Variants in ITLN1 observed in about 807,000 individuals in gnomAD.
ITLN1 encodes the protein intelectin-1.
Under a neutral mutation model 36.2 loss-of-function variants are expected in ITLN1, and 29 were observed. The observed-to-expected ratio is 0.80, with a 90% confidence interval of 0.60 to 1.09. ITLN1 has a LOEUF of 1.09. Ranked by LOEUF, ITLN1 falls within the 50% of genes least tolerant of loss-of-function variation. The pLI, the probability that ITLN1 is intolerant of heterozygous loss-of-function variation, is 0.00. For missense variants in ITLN1, 358 were observed against 405.2 expected (o/e 0.88, Z 1.00); for synonymous variants, 143 against 146.5 (o/e 0.98, Z 0.17).
rs774952469 is a variant in ITLN1, at chr1:160,880,635, A to T, written c.638T>A (p.Phe213Tyr). ...AGATGCTGTTTTCTGGGCGTCGCCA[A>T]AATCATAGACCACAGGGATCACCGG... ...NGPVIPVVYD[F>Y]GDAQKTASYY... The change falls in exon 6 of 8, where the codon TTT becomes TAT. Residue 213 changes from phenylalanine to tyrosine, a missense_variant. Coordinates refer to ENST00000326245, the MANE Select transcript of ITLN1 (RefSeq NM_017625.3). 6.2e-7 allele frequency: 1 copy of T among 1,614,180 alleles called. No individual in the cohort carries two copies. Among genetic ancestry groups the T allele is most frequent in the Non-Finnish European group, 8.5e-7 (1 of 1,180,022 alleles).
intron 7 of ITLN1, among the ~76,000 whole-genome samples, chr1:160,877,782 G>A (rs542194066): frequency 3.3e-5 from 5 of 152,310 alleles, no homozygotes; most frequent in African/African-American, 7.2e-5. Context: ...ATTGGATCAT[G>A]GGGGTGGTTT....
Position 160,882,112 on chromosome 1 carries a change from T to C in ITLN1, c.250A>G (p.Ser84Gly), listed in dbSNP as rs748127542. The C allele has an allele frequency of 1.2e-6, 2 of 1,613,958 alleles. No individual in the cohort carries two copies. Among genetic ancestry groups the C allele is most frequent in the South Asian group, 2.2e-5 (2 of 91,080 alleles). The change falls in exon 4 of 8, where the codon AGC becomes GGC. Residue 84 changes from serine (S) to glycine (G), a missense_variant. Transcript: ENST00000326245. ...SGGGGWTLVA[S>G]VHENDMRGKC... ...CCACGCATGTCATTCTCGTGCACGC[T>C]GGCCACCAGGGTCCAGCCGCCACCC...
In ITLN1 at chr1:160,881,014, G is replaced by A. The variant is rs545116084; in HGVS notation, c.564+140C>T. 2.5e-3 allele frequency: 2,555 copies of A among 1,016,588 alleles called. 8 individuals are homozygous for A. Among genetic ancestry groups the A allele is most frequent in the Non-Finnish European group, 3.3e-3 (2,339 of 703,476 alleles). 63.0% of individuals were successfully genotyped at this position (1,016,588 alleles called of 1,614,324 possible). A position where few individuals can be genotyped will look rare whatever the true frequency, so the allele number is the denominator to read the frequency against. On this transcript the variant is annotated intron_variant, in intron 5 of 7. Transcript: ENST00000326245. The stretch of plus-strand genomic sequence containing the variant: ...CTTGCCTGGCTTAGAATTCCTAAGA[G>A]AAGCAACAGAAGCCATCAGCAAATC...
intron 4 of ITLN1, 132 bp downstream of exon 4, chr1:160,881,825 A>AT: frequency 6.5e-5 from 69 of 1,065,932 alleles, no homozygotes; most frequent in Non-Finnish European, 8.3e-5. Flanking sequence ...AAAAAAAAAA[A>AT]GATATAAGTA....
intron 6 of ITLN1, among the ~76,000 whole-genome samples, chr1:160,879,991 T>A (rs1240632389): frequency 6.6e-6 from 1 of 152,046 alleles, no homozygotes; most frequent in Non-Finnish European, 1.5e-5. Flanking sequence ...GAGAGTGGGT[T>A]GTTAGGAGTA....
intron 6 of ITLN1, 130 bp downstream of exon 6, chr1:160,880,458 A>C: frequency 1.1e-6 from 1 of 885,160 alleles, no homozygotes; most frequent in Non-Finnish European, 1.7e-6. Flanking sequence ...CAGCCATGCA[A>C]ATCAAGTGGG....
chr1:160,880,996 G>C (rs1670667151), intron 5 of ITLN1, among the ~76,000 whole-genome samples, 158 bp downstream of exon 5: 1 of 152,096 alleles, frequency 6.6e-6, no homozygotes, highest in Non-Finnish European at 1.5e-5. Flanking sequence ...TCTCTTGCCT[G>C]GCTTAGAATT....
rs200007610 is a variant in ITLN1, at chr1:160,882,140, A to G, written c.222T>C (p.Ser74=). 257 of 1,612,950 alleles carry G rather than the reference A, an allele frequency of 1.6e-4. No individual in the cohort carries two copies. In the Admixed American group the frequency reaches 4.2e-3, roughly 26 times the overall value. ...CCACCAGGGTCCAGCCGCCACCCCC[A>G]GAGGTCATGTCACAGAAGGTCTGGT... The part of the protein sequence containing the change: ...VIYQTFCDMT[S]GGGGWTLVAS... Residue 74 remains serine, a synonymous_variant, in exon 4 of 8, where the codon TCT becomes TCC. Transcript: ENST00000326245.
chr1:160,882,283 G>A, intron 3 of ITLN1, 79 bp from the exon 4 acceptor site: 1 of 1,507,978 alleles, frequency 6.6e-7, no homozygotes, highest in Non-Finnish European at 8.9e-7. Flanking sequence ...AAAGGCCCTA[G>A]GAACCAGAGA....
At chr1:160,878,646 AAATACT>A (rs1379075494) in intron 7 of ITLN1, among the ~76,000 whole-genome samples, 1 of 152,174 alleles carries the variant, frequency 6.6e-6, no homozygotes, top group African/African-American at 2.4e-5. Flanking sequence ...TTGCCTCGCA[AAATACT>A]GGGATTACAG....
At chr1:160,883,371 C>T in intron 3 of ITLN1, 57 bp downstream of exon 3, 1 of 1,195,864 alleles carries the variant, frequency 8.4e-7, no homozygotes, top group Non-Finnish European at 1.2e-6. Flanking sequence ...AAAAGACTCC[C>T]AGAAGACACA....
chr1:160,882,647 A>G (rs1319459817), intron 3 of ITLN1, among the ~76,000 whole-genome samples: 3 of 152,152 alleles, frequency 2.0e-5, no homozygotes, highest in South Asian at 2.1e-4. Context: ...TCTGCAGTGG[A>G]TAAAAGGGAA....
At chr1:160,884,959 T>C (rs77824633) in intron 1 of ITLN1, 76 bp from the exon 2 acceptor site, 32,945 of 904,096 alleles carry the variant, frequency 0.036, 2,313 homozygotes, top group African/African-American at 0.21. Context: ...CTGTCCAGTC[T>C]TACAAAGACT....
chr1:160,881,791 G>T (rs542836776), intron 4 of ITLN1, among the ~76,000 whole-genome samples, 166 bp downstream of exon 4: 5 of 131,136 alleles, frequency 3.8e-5, no homozygotes, highest in East Asian at 4.3e-4. Context: ...AACAGAGTAA[G>T]ACTCCGTCTC....
intron 4 of ITLN1, 129 bp downstream of exon 4, chr1:160,881,828 T>TGTG: frequency 9.4e-7 from 1 of 1,069,046 alleles, no homozygotes; most frequent in Non-Finnish European, 1.3e-6. Context: ...AAAAAAAAGA[T>TGTG]ATAAGTATTT....
Position 160,884,825 on chromosome 1 carries a change from C to G in ITLN1, c.53G>C (p.Ser18Thr), listed in dbSNP as rs1171637284. The stretch of plus-strand genomic sequence containing the variant: ...TCCCTAGCAGCGTGACTCACCTGTA[C>G]TCCATCCTCTGGTGGTCGCTATGAG... ...LFLIATTRGW[S>T]TDEANTYFKE... Residue 18 changes from serine to threonine, a missense_variant, in exon 2 of 8, where the codon AGT becomes ACT. Ser to Thr is a moderately conservative substitution (Grantham distance 58, BLOSUM62 1). Coordinates refer to ENST00000326245, the MANE Select transcript of ITLN1 (RefSeq NM_017625.3). 1.2e-6 allele frequency: 2 copies of G among 1,610,876 alleles called. No individual in the cohort carries two copies. Among genetic ancestry groups the G allele is most frequent in the Non-Finnish European group, 1.7e-6 (2 of 1,177,338 alleles).
Position 160,883,499 on chromosome 1 carries a change from C to CTT in ITLN1, c.85_86insAA (p.Trp29Ter). ...TDEANTYFKE[W>*]TCSSSPSLPR... The stretch of plus-strand genomic sequence containing the variant: ...CAGAGATGGAGACGAAGAACAGGTC[C>CTT]ATTCCTTGAAGTAAGTATTAGCCTC... The change falls in exon 3 of 8, where the codon TGG becomes TAAGG. Residue 29 changes from tryptophan (W) to a stop codon, truncating the protein, a stop_gained and frameshift_variant. Coordinates refer to ENST00000326245, the MANE Select transcript of ITLN1 (RefSeq NM_017625.3). LOFTEE classifies it high-confidence loss of function. 2 of 1,613,138 alleles carry CTT rather than the reference C, an allele frequency of 1.2e-6. No individual in the cohort carries two copies. Among genetic ancestry groups the CTT allele is most frequent in the Non-Finnish European group, 1.7e-6 (2 of 1,179,214 alleles).
rs772608692 is a variant in ITLN1 at position 160,884,880 on chromosome 1, T to C, written c.-3A>G. On this transcript the variant is annotated 5_prime_UTR_variant, in exon 2 of 8. Transcript: ENST00000326245. ...AGCAGGAAGCTGAGTTGGTTCATTG[T>C]AATCTAAAGAAAGCAAGATGAAGGT... 32 of 1,610,920 alleles carry C rather than the reference T, an allele frequency of 2.0e-5. No individual in the cohort carries two copies. The highest frequency in any genetic ancestry group is 1.7e-4 in the Middle Eastern group (1 of 6,060).
intron 4 of ITLN1, chr1:160,881,654 C>T: frequency 1.9e-6 from 1 of 524,506 alleles, no homozygotes; most frequent in Non-Finnish European, 3.3e-6. Context: ...ACTAAAAGTA[C>T]AAAAATTCGC....
Sources: allele counts gnomAD v4.1 joint callset (sites outside exome capture counted in the v4.1 genomes callset), GRCh38; gene constraint gnomAD v4.1.1; transcripts MANE v1.5; gene names NCBI Gene and HGNC (gene_info 2026-07-23, HGNC 2026-07-21).